The following PTPRM variants were observed in gnomAD, a reference collection of about 807,000 sequenced individuals.
PTPRM encodes protein tyrosine phosphatase receptor type M.
A neutral mutation model predicts 186.7 loss-of-function variants in PTPRM; 47 were observed. The ratio of observed to expected loss-of-function variants is 0.25; its 90% CI spans 0.20 to 0.32. The LOEUF is 0.32. PTPRM is among the 10% of genes least tolerant of loss of function. The pLI is 1.00. For synonymous variants in PTPRM, 668 were observed against 674.9 expected, an observed-to-expected ratio of 0.99 and a Z score of 0.16; for missense variants, 1,494 against 1,865.0, an observed-to-expected ratio of 0.80 and a Z score of 3.66.
At chr18:8,184,581 C>A (rs750607987) in intron 14 of PTPRM, among the ~76,000 whole-genome samples, 1 of 152,082 alleles carries the variant, frequency 6.6e-6, no homozygotes, top group Non-Finnish European at 1.5e-5. Context: ...GAACAAGTGA[C>A]GAAGGTTTAA....
chr18:8,107,797 A>G (rs2091589164), intron 11 of PTPRM, among the ~76,000 whole-genome samples: 1 of 152,178 alleles, frequency 6.6e-6, no homozygotes, highest in Admixed American at 6.5e-5. Flanking sequence ...TCTGTATAAA[A>G]CTAATTACCA....
chr18:8,119,778 G>C (rs138896819), intron 13 of PTPRM, among the ~76,000 whole-genome samples: 2 of 152,102 alleles, frequency 1.3e-5, no homozygotes, highest in Non-Finnish European at 2.9e-5. Context: ...CCCGCTGCAC[G>C]TAACTGAGAT....
At chr18:8,285,358 C>T (rs2094945140) in intron 19 of PTPRM, among the ~76,000 whole-genome samples, 1 of 152,144 alleles carries the variant, frequency 6.6e-6, no homozygotes, top group African/African-American at 2.4e-5. Flanking sequence ...ATTCTTTTGC[C>T]TCAGCACCAC....
chr18:8,023,041 A>C (rs1461385578), intron 7 of PTPRM, among the ~76,000 whole-genome samples: 2 of 152,268 alleles, frequency 1.3e-5, no homozygotes, highest in Non-Finnish European at 2.9e-5. Context: ...AGTCTTTGAC[A>C]TGGGAGCCAG....
In PTPRM at chr18:8,358,886, G is replaced by A. The variant is rs533021092; in HGVS notation, c.3055-12004G>A. On this transcript the variant is annotated intron_variant, in intron 23 of 32. Coordinates refer to ENST00000580170, the MANE Select transcript of PTPRM (RefSeq NM_001105244.2). ...GAGTGCATACGAAGGGAATTTCTGT[G>A]TACTGCCCTCCTTCTGTTGATTTCT... Among the ~76,000 whole-genome samples, 188 of 152,254 alleles carry A rather than the reference G, an allele frequency of 1.2e-3. 1 individual carries two copies. The highest frequency in any genetic ancestry group is 4.4e-3 in the African/African-American group (183 of 41,538).
chr18:8,189,755 G>A (rs972991934), intron 14 of PTPRM, among the ~76,000 whole-genome samples: 4 of 152,174 alleles, frequency 2.6e-5, no homozygotes, highest in Middle Eastern at 3.2e-3. Context: ...ATACCTGAGT[G>A]ACTGCTGGGT....
At position 8,035,575 on chromosome 18, in the gene PTPRM, GT is replaced by G. The variant is rs1161765911; in HGVS notation, c.1133-34104del. ...ATTTTTTATTTGTATTATTTTTATT[GT>G]TTTTTTCCCCCAATATTTTTGGACC... On this transcript the variant is annotated intron_variant, in intron 7 of 32. Coordinates refer to ENST00000580170, the MANE Select transcript of PTPRM (RefSeq NM_001105244.2). 9.9e-5 allele frequency among the ~76,000 whole-genome samples: 15 copies of G among 152,008 alleles called. No homozygotes were observed. The East Asian group carries it at 1.4e-3, about 14-fold the overall frequency.
At chr18:7,889,575 G>T (rs1242403823) in intron 3 of PTPRM, among the ~76,000 whole-genome samples, 1 of 152,016 alleles carries the variant, frequency 6.6e-6, no homozygotes, top group African/African-American at 2.4e-5. Flanking sequence ...CTGGTCGCAG[G>T]TGATCCTGCC....
intron 14 of PTPRM, among the ~76,000 whole-genome samples, chr18:8,200,366 G>C (rs961735805): frequency 6.6e-6 from 1 of 152,086 alleles, no homozygotes; most frequent in South Asian, 2.1e-4. Context: ...GTGGGGGCAC[G>C]ACCCTGCTAG....
chr18:8,259,746 C>T (rs1372288252), intron 19 of PTPRM, among the ~76,000 whole-genome samples: 1 of 152,040 alleles, frequency 6.6e-6, no homozygotes, highest in East Asian at 1.9e-4. Context: ...CTCCTGGGTT[C>T]AAGTGATTTT....
Position 8,406,806 on chromosome 18 carries a change from A to G in PTPRM, c.*644A>G, listed in dbSNP as rs1326992800. The stretch of plus-strand genomic sequence containing the variant: ...GCTTTTCCATGTGTTTATATTGTAA[A>G]TATTTTTGATTTCATCAAATTATTT... On this transcript the variant is annotated 3_prime_UTR_variant, in exon 33 of 33. Transcript: ENST00000580170. 1.3e-5 allele frequency: 2 copies of G among 152,208 alleles called. No homozygotes were observed. Among genetic ancestry groups the G allele is most frequent in the African/African-American group, 4.8e-5 (2 of 41,462 alleles). 9.4% of individuals were successfully genotyped at this position (152,208 alleles called of 1,614,324 possible).
At position 8,028,084 on chromosome 18, in the gene PTPRM, C is replaced by T. The variant is rs186524863; in HGVS notation, c.1133-41602C>T. On this transcript the variant is annotated intron_variant, in intron 7 of 32. Coordinates refer to ENST00000580170, the MANE Select transcript of PTPRM (RefSeq NM_001105244.2). ...TGATAACAATCTGGGTTCACAACAACCTCCGCCTCCCGAGCTCAAGCCATT... is the reference window on the plus strand; with the variant it reads ...TGATAACAATCTGGGTTCACAACAATCTCCGCCTCCCGAGCTCAAGCCATT... Among the ~76,000 whole-genome samples, 206 of 152,266 alleles carry T rather than the reference C, an allele frequency of 1.4e-3. 1 individual carries two copies. The highest frequency in any genetic ancestry group is 4.6e-3 in the African/African-American group (193 of 41,526).
chr18:8,247,964 G>A, intron 16 of PTPRM, 45 bp downstream of exon 16: 1 of 1,490,222 alleles, frequency 6.7e-7, no homozygotes, highest in Non-Finnish European at 9.4e-7. Context: ...CTCCTCAGCA[G>A]TCAGAATCAC....
intron 2 of PTPRM, among the ~76,000 whole-genome samples, chr18:7,818,187 T>C (rs1404010541): frequency 6.6e-6 from 1 of 152,210 alleles, no homozygotes; most frequent in African/African-American, 2.4e-5. Context: ...CAGCAGTCTC[T>C]CTTCTCTACT....
intron 2 of PTPRM, among the ~76,000 whole-genome samples, chr18:7,821,144 AG>A (rs1457507518): frequency 2.0e-5 from 3 of 152,194 alleles, no homozygotes; most frequent in Admixed American, 1.3e-4. Flanking sequence ...ACTCACTCTC[AG>A]CCCCAGGACG....
At position 8,244,184 on chromosome 18, in the gene PTPRM, G is replaced by A. The variant is rs147989230; in HGVS notation, c.2427G>A (p.Met809Ile). 208 of 1,585,734 alleles carry A rather than the reference G, an allele frequency of 1.3e-4. No homozygotes were observed. In the African/African-American group the frequency reaches 2.7e-3, roughly 20 times the overall value. ...ACTGCGACGAGGCTTTCTCATTCATGGACACGCACAATCTGAATGGGAGAT... is the reference window on the plus strand; with the variant it reads ...ACTGCGACGAGGCTTTCTCATTCATAGACACGCACAATCTGAATGGGAGAT... ...GTNCDEAFSFMDTHNLNGRSV... is the reference protein window; with the variant it reads ...GTNCDEAFSFIDTHNLNGRSV... The change falls in exon 15 of 33, where the codon ATG (methionine) becomes ATA (isoleucine). Residue 809 changes from methionine (M) to isoleucine (I), a missense_variant. Physicochemically the swap from Met to Ile is conservative, Grantham distance 10 (BLOSUM62 1). Transcript: ENST00000580170.
At chr18:7,667,910 G>A (rs945882701) in intron 1 of PTPRM, among the ~76,000 whole-genome samples, 1 of 151,990 alleles carries the variant, frequency 6.6e-6, no homozygotes, top group Non-Finnish European at 1.5e-5. Context: ...CAGAAAATTA[G>A]TTCTGTATTA....
chr18:8,278,014 A>G (rs2094856389), intron 19 of PTPRM, among the ~76,000 whole-genome samples: 1 of 152,230 alleles, frequency 6.6e-6, no homozygotes, highest in South Asian at 2.1e-4. Context: ...TTCTCAATCT[A>G]TAATATTATT....
chr18:7,860,472 G>A (rs931522942), intron 2 of PTPRM, among the ~76,000 whole-genome samples: 20 of 152,206 alleles, frequency 1.3e-4, no homozygotes, highest in East Asian at 5.8e-4. Context: ...TGCAGGGGGC[G>A]GGGGTCTGTC....
Sources: gnomAD v4.1 joint callset for allele counts (sites outside exome capture counted in the v4.1 genomes callset) on GRCh38, gnomAD v4.1.1 for gene constraint, MANE v1.5 for transcripts, NCBI Gene and HGNC (gene_info 2026-07-23, HGNC 2026-07-21) for gene names.